Variants in KCND2 observed in about 807,000 individuals in gnomAD.
KCND2 encodes potassium voltage-gated channel subfamily D member 2.
Under a neutral mutation model 54.4 loss-of-function variants are expected in KCND2, and 16 were observed. The ratio of observed to expected loss-of-function variants is 0.29; its 90% CI spans 0.20 to 0.45. The LOEUF is 0.45. Ranked by LOEUF, KCND2 falls within the 20% of genes least tolerant of loss-of-function variation. The probability of loss-of-function intolerance (pLI) is 1.00; values close to 1 mark genes in which losing one functional copy is unlikely to be tolerated. For missense variants in KCND2, 486 were observed against 824.2 expected (o/e 0.59, Z 5.02); for synonymous variants, 317 against 310.7 (o/e 1.02, Z -0.21).
At chr7:120,276,501 C>A (rs1799177218) in intron 1 of KCND2, among the ~76,000 whole-genome samples, 1 of 152,020 alleles carries the variant, frequency 6.6e-6, no homozygotes, top group African/African-American at 2.4e-5. Context: ...GGCAATGGGT[C>A]CACACCCATT....
chr7:120,638,991 A>C (rs1202650926), intron 1 of KCND2, among the ~76,000 whole-genome samples: 2 of 152,186 alleles, frequency 1.3e-5, no homozygotes, highest in African/African-American at 4.8e-5. Flanking sequence ...CTTCAGTGAT[A>C]TTCTCCTGCG....
chr7:120,421,657 T>C (rs921922952), intron 1 of KCND2, among the ~76,000 whole-genome samples: 3 of 152,254 alleles, frequency 2.0e-5, no homozygotes, highest in African/African-American at 7.2e-5. Context: ...TTGAAGAGAA[T>C]CTGGCATGAG....
chr7:120,487,130 C>T (rs915812061), intron 1 of KCND2, among the ~76,000 whole-genome samples: 1 of 152,188 alleles, frequency 6.6e-6, no homozygotes, highest in Non-Finnish European at 1.5e-5. Flanking sequence ...CCCCCAATGC[C>T]TGGCATCTGC....
At chr7:120,384,252 A>T (rs1174019103) in intron 1 of KCND2, among the ~76,000 whole-genome samples, 1 of 151,972 alleles carries the variant, frequency 6.6e-6, no homozygotes, top group Non-Finnish European at 1.5e-5. Flanking sequence ...GAATCCATGG[A>T]TGTGGAACCT....
chr7:120,747,706 G>A lies in KCND2; in HGVS notation c.1741G>A (p.Glu581Lys), dbSNP rs1473319766. The change falls in exon 6 of 6, where the codon GAA becomes AAA. Residue 581 changes from glutamate (E) to lysine (K), a missense_variant. Coordinates refer to ENST00000331113, the MANE Select transcript of KCND2 (RefSeq NM_012281.3). ...NSRSSLNAKM[E>K]ECVKLNCEQP... Reference sequence around the variant, plus strand: ...CCGATCCAGTTTAAATGCCAAAATGGAAGAGTGTGTTAAACTAAACTGTGA... The same window carrying A: ...CCGATCCAGTTTAAATGCCAAAATGAAAGAGTGTGTTAAACTAAACTGTGA... 1.9e-6 allele frequency: 3 copies of A among 1,612,464 alleles called. No homozygotes were observed. In the South Asian group the frequency reaches 3.3e-5, roughly 18 times the overall value.
chr7:120,560,930 G>A (rs538393041), intron 1 of KCND2, among the ~76,000 whole-genome samples: 1 of 152,122 alleles, frequency 6.6e-6, no homozygotes, highest in Non-Finnish European at 1.5e-5. Flanking sequence ...TTTGACCAAG[G>A]TACCAAAATG....
intron 1 of KCND2, among the ~76,000 whole-genome samples, chr7:120,305,507 T>A (rs1418096761): frequency 2.6e-5 from 4 of 152,186 alleles, no homozygotes; most frequent in African/African-American, 9.7e-5. Flanking sequence ...ACTTGTTTTG[T>A]CTGTTTACTT....
At chr7:120,611,157 G>T (rs186901443) in intron 1 of KCND2, among the ~76,000 whole-genome samples, 25 of 152,272 alleles carry the variant, frequency 1.6e-4, no homozygotes, top group African/African-American at 5.5e-4. Flanking sequence ...CTACCCCGAT[G>T]ACAAATATTT....
At chr7:120,511,742 CT>C (rs1803118752) in intron 1 of KCND2, among the ~76,000 whole-genome samples, 1 of 152,024 alleles carries the variant, frequency 6.6e-6, no homozygotes, top group Non-Finnish European at 1.5e-5. Flanking sequence ...ATAATAGCAC[CT>C]ATCCCTATCT....
intron 1 of KCND2, among the ~76,000 whole-genome samples, chr7:120,563,293 C>T (rs1173950455): frequency 6.6e-6 from 1 of 151,932 alleles, no homozygotes; most frequent in Non-Finnish European, 1.5e-5. Context: ...CCCATAAAAC[C>T]CTTCCTCTTG....
intron 1 of KCND2, among the ~76,000 whole-genome samples, chr7:120,399,731 T>TATTTATTC (rs1202580695): frequency 1.7e-4 from 25 of 146,890 alleles, no homozygotes; most frequent in African/African-American, 5.8e-4. Context: ...TTTATTTATT[T>TATTTATTC]ATTTATTCAT....
intron 1 of KCND2, among the ~76,000 whole-genome samples, chr7:120,489,126 A>C (rs183303524): frequency 6.6e-6 from 1 of 152,230 alleles, no homozygotes; most frequent in African/African-American, 2.4e-5. Context: ...TCCCATTCAG[A>C]ATAGTTTATA....
intron 1 of KCND2, among the ~76,000 whole-genome samples, chr7:120,609,935 C>T (rs1475392835): frequency 1.3e-5 from 2 of 152,110 alleles, no homozygotes; most frequent in African/African-American, 4.8e-5. Context: ...CTTAAGGAGT[C>T]CACATGCTGC....
intron 1 of KCND2, among the ~76,000 whole-genome samples, chr7:120,315,368 A>G (rs1799797679): frequency 6.6e-6 from 1 of 152,182 alleles, no homozygotes; most frequent in Admixed American, 6.5e-5. Flanking sequence ...CTTTTTCTAC[A>G]TAGCATGGAT....
intron 1 of KCND2, among the ~76,000 whole-genome samples, chr7:120,625,679 T>C (rs1456911809): frequency 6.6e-6 from 1 of 152,132 alleles, no homozygotes; most frequent in Non-Finnish European, 1.5e-5. Flanking sequence ...ATAAGGTACA[T>C]ACATAAATGT....
intron 2 of KCND2, 145 bp from the exon 3 acceptor site, chr7:120,741,389 G>C (rs1792938727): frequency 1.5e-6 from 1 of 670,750 alleles, no homozygotes; most frequent in East Asian, 2.8e-5. Flanking sequence ...AAAAGGTAGA[G>C]AGGTAATTTT....
chr7:120,407,066 A>T (rs187020226), intron 1 of KCND2, among the ~76,000 whole-genome samples: 1 of 152,000 alleles, frequency 6.6e-6, no homozygotes, highest in East Asian at 1.9e-4. Flanking sequence ...CAATGAAAAA[A>T]AAAATTTCCT....
intron 1 of KCND2, among the ~76,000 whole-genome samples, chr7:120,559,695 T>C (rs1792210064): frequency 6.6e-6 from 1 of 152,206 alleles, no homozygotes; most frequent in African/African-American, 2.4e-5. Context: ...TACAATATAA[T>C]AGTTTATGCT....
chr7:120,481,075 C>T (rs532736915), intron 1 of KCND2, among the ~76,000 whole-genome samples: 2 of 152,284 alleles, frequency 1.3e-5, no homozygotes, highest in South Asian at 2.1e-4. Context: ...GCTGGTAGAA[C>T]GCCATACCAA....
Sources: allele counts gnomAD v4.1 joint callset (sites outside exome capture counted in the v4.1 genomes callset), GRCh38; gene constraint gnomAD v4.1.1; transcripts MANE v1.5; gene names NCBI Gene and HGNC (gene_info 2026-07-23, HGNC 2026-07-21).